The following DLGAP2 variants were observed in gnomAD, a reference collection of about 807,000 sequenced individuals.
DLGAP2 encodes the protein DLG associated protein 2, also known as disks large-associated protein 2.
DLGAP2 carries 26 observed loss-of-function variants against 100.3 expected under a neutral mutation model. That is an observed-to-expected ratio of 0.26 (90% CI 0.19 to 0.36). The LOEUF is 0.36. Among genes scored for constraint, DLGAP2 ranks in the 10% least tolerant of loss-of-function variants. The probability of loss-of-function intolerance (pLI) is 1.00; values close to 1 mark genes in which losing one functional copy is unlikely to be tolerated. For synonymous variants in DLGAP2, 886 were observed against 630.1 expected (o/e 1.41, Z -6.08); for missense variants, 1,858 against 1,453.2 (o/e 1.28, Z -4.53).
chr8:1,649,112 G>A (rs957371847), intron 8 of DLGAP2, among the ~76,000 whole-genome samples: 2 of 152,168 alleles, frequency 1.3e-5, no homozygotes, highest in African/African-American at 4.8e-5. Context: ...AATTATCCAG[G>A]TGTATACATT....
intron 1 of DLGAP2, among the ~76,000 whole-genome samples, chr8:844,065 C>G (rs1797029932): frequency 6.6e-6 from 1 of 152,098 alleles, no homozygotes; most frequent in South Asian, 2.1e-4. Flanking sequence ...ATATGGAGTG[C>G]TCTACTAATT....
At chr8:940,615 G>A (rs980841578) in intron 2 of DLGAP2, among the ~76,000 whole-genome samples, 3 of 152,302 alleles carry the variant, frequency 2.0e-5, no homozygotes, top group Middle Eastern at 3.4e-3. Context: ...GGCAGCCTGG[G>A]ACGTTTTCGG....
At chr8:1,434,958 G>T (rs755947872) in intron 3 of DLGAP2, among the ~76,000 whole-genome samples, 2 of 152,110 alleles carry the variant, frequency 1.3e-5, no homozygotes, top group Non-Finnish European at 2.9e-5. Flanking sequence ...TCTGGCCCTG[G>T]ACTCTTGATC....
At chr8:886,673 G>A (rs1797930019) in intron 1 of DLGAP2, among the ~76,000 whole-genome samples, 1 of 152,236 alleles carries the variant, frequency 6.6e-6, no homozygotes, top group African/African-American at 2.4e-5. Context: ...CCATGAGATT[G>A]TGTGGTTTTG....
intron 1 of DLGAP2, among the ~76,000 whole-genome samples, chr8:862,625 T>C (rs1231575322): frequency 1.3e-5 from 2 of 152,202 alleles, no homozygotes; most frequent in Non-Finnish European, 2.9e-5. Context: ...AATAACTGTG[T>C]GATCCTGGGA....
intron 7 of DLGAP2, among the ~76,000 whole-genome samples, chr8:1,629,791 C>T (rs920902204): frequency 6.6e-6 from 1 of 152,214 alleles, no homozygotes; most frequent in African/African-American, 2.4e-5. Flanking sequence ...CCACAAACAA[C>T]TTTCAATTAA....
chr8:1,134,890 T>TC (rs1178850785), intron 2 of DLGAP2, among the ~76,000 whole-genome samples: 1 of 152,108 alleles, frequency 6.6e-6, no homozygotes, highest in Non-Finnish European at 1.5e-5. Context: ...CGTGATCCAA[T>TC]CCCCTCCCGC....
At chr8:1,276,058 TA>T (rs1270506884) in intron 3 of DLGAP2, among the ~76,000 whole-genome samples, 1 of 138,384 alleles carries the variant, frequency 7.2e-6, no homozygotes, top group Non-Finnish European at 1.5e-5. Context: ...ATATAATATA[TA>T]AAAATAAATA....
At chr8:1,200,120 C>T (rs745558562) in intron 2 of DLGAP2, among the ~76,000 whole-genome samples, 2 of 152,076 alleles carry the variant, frequency 1.3e-5, no homozygotes, top group Non-Finnish European at 2.9e-5. Context: ...GCGTGGGGGC[C>T]GGGAGCGGAT....
Position 1,703,184 on chromosome 8 carries a change from C to G in DLGAP2, c.*1778C>G, listed in dbSNP as rs1799621179. 1 of 152,500 alleles carries G rather than the reference C, an allele frequency of 6.6e-6. No homozygotes were observed. The highest frequency in any genetic ancestry group is 1.5e-5 in the Non-Finnish European group (1 of 68,026). The allele number at this position is 152,500 out of a possible 1,614,324, so 9.4% of individuals were successfully genotyped here. A position where few individuals can be genotyped will look rare whatever the true frequency, so the allele number is the denominator to read the frequency against. The stretch of plus-strand genomic sequence containing the variant: ...TTTAAAGCTGAGTAGTTAAGAATTC[C>G]CTGTAAAAACAAAACCCTGTAAATT... On this transcript the variant is annotated 3_prime_UTR_variant, in exon 15 of 15. Coordinates refer to ENST00000637795, the MANE Select transcript of DLGAP2 (RefSeq NM_001346810.2).
At position 1,315,976 on chromosome 8, in the gene DLGAP2, T is replaced by C. The variant is rs1289999838; in HGVS notation, c.106+57093T>C. 2.2e-5 allele frequency among the ~76,000 whole-genome samples: 3 copies of C among 134,806 alleles called. 1 individual carries two copies. Among genetic ancestry groups the C allele is most frequent in the African/African-American group, 7.9e-5 (3 of 37,992 alleles). 88.4% of individuals were successfully genotyped at this position (134,806 alleles called of 152,430 possible). ...CTACACTCGAGAAACTTCGCAGCTTTTAAAAATAGAGGCTGTGCGAGTGCA... is the reference window on the plus strand; with the variant it reads ...CTACACTCGAGAAACTTCGCAGCTTCTAAAAATAGAGGCTGTGCGAGTGCA... On this transcript the variant is annotated intron_variant, in intron 3 of 14. Coordinates refer to ENST00000637795, the MANE Select transcript of DLGAP2 (RefSeq NM_001346810.2).
At chr8:1,382,098 A>T (rs1796110822) in intron 3 of DLGAP2, among the ~76,000 whole-genome samples, 1 of 152,238 alleles carries the variant, frequency 6.6e-6, no homozygotes, top group Non-Finnish European at 1.5e-5. Context: ...CCCAGACTTT[A>T]CTGCTGATAG....
chr8:894,770 T>G (rs972394954), intron 1 of DLGAP2, among the ~76,000 whole-genome samples: 8 of 39,230 alleles, frequency 2.0e-4, no homozygotes, highest in Non-Finnish European at 2.7e-4. Flanking sequence ...CTGGCAGGGG[T>G]AGTGGCTGGC....
chr8:1,374,415 G>C (rs945480826), intron 3 of DLGAP2, among the ~76,000 whole-genome samples: 1 of 152,136 alleles, frequency 6.6e-6, no homozygotes. Flanking sequence ...TTTTGTTCTT[G>C]GACCAAAGCT....
chr8:1,164,609 C>G (rs1212655159), intron 2 of DLGAP2, among the ~76,000 whole-genome samples: 3 of 151,918 alleles, frequency 2.0e-5, no homozygotes, highest in Non-Finnish European at 4.4e-5. Context: ...AAGCCCAAGT[C>G]AGAGGGAAGA....
chr8:1,350,142 A>G (rs1801673710), intron 3 of DLGAP2, among the ~76,000 whole-genome samples: 1 of 152,188 alleles, frequency 6.6e-6, no homozygotes, highest in Non-Finnish European at 1.5e-5. Context: ...GAAGAAATAA[A>G]AACATCCCCG....
At chr8:1,546,165 G>T (rs755813828) in intron 4 of DLGAP2, among the ~76,000 whole-genome samples, 1 of 152,166 alleles carries the variant, frequency 6.6e-6, no homozygotes, top group Non-Finnish European at 1.5e-5. Context: ...GGAAGACGCC[G>T]CCGGCCATTA....
chr8:1,542,882 T>C (rs569499008), intron 4 of DLGAP2, among the ~76,000 whole-genome samples: 3 of 152,310 alleles, frequency 2.0e-5, no homozygotes, highest in Non-Finnish European at 4.4e-5. Flanking sequence ...GCTTTGGAAC[T>C]GTGTCCTTTT....
chr8:854,748 G>A (rs966607153), intron 1 of DLGAP2, among the ~76,000 whole-genome samples: 9 of 152,178 alleles, frequency 5.9e-5, no homozygotes, highest in African/African-American at 2.2e-4. Flanking sequence ...TGGCAGGTTG[G>A]ATTCAGCTGT....
Sources: allele counts gnomAD v4.1 joint callset (sites outside exome capture counted in the v4.1 genomes callset), GRCh38; gene constraint gnomAD v4.1.1; transcripts MANE v1.5; gene names NCBI Gene and HGNC (gene_info 2026-07-23, HGNC 2026-07-21).